REDIC1: variants seen among roughly 807,000 people sequenced by gnomAD.
REDIC1 encodes the protein HEI10 Interacting Protein 1.
chr12:39,887,334 C>T, the REDIC1 span, among the ~76,000 whole-genome samples: 3 of 152,104 alleles, frequency 2.0e-5, no homozygotes, highest in African/African-American at 7.2e-5. Flanking sequence ...CAAGTTATAT[C>T]CCAAAAGTAC....
the REDIC1 span, among the ~76,000 whole-genome samples, chr12:39,735,505 A>C: frequency 6.6e-6 from 1 of 152,248 alleles, no homozygotes; most frequent in African/African-American, 2.4e-5. Flanking sequence ...TGAGAGTGTT[A>C]AGCAACAGAA....
At chr12:39,868,898 T>A in the REDIC1 span, among the ~76,000 whole-genome samples, 1 of 152,204 alleles carries the variant, frequency 6.6e-6, no homozygotes, top group Non-Finnish European at 1.5e-5. Context: ...CAGGCTTACA[T>A]ATTTTTTATT....
At chr12:39,903,845 G>T in the REDIC1 span, among the ~76,000 whole-genome samples, 1 of 152,094 alleles carries the variant, frequency 6.6e-6, no homozygotes. Context: ...GGAAAAGAAG[G>T]AAGATTGAGT....
chr12:39,690,349 G>A, the REDIC1 span, among the ~76,000 whole-genome samples: 2 of 152,040 alleles, frequency 1.3e-5, no homozygotes. Context: ...TAAAGGTTTA[G>A]TAGAGGAATA....
the REDIC1 span, among the ~76,000 whole-genome samples, chr12:39,663,786 T>C: frequency 6.6e-6 from 1 of 152,096 alleles, no homozygotes; most frequent in African/African-American, 2.4e-5. Flanking sequence ...ATAGTAGATA[T>C]CATCCCTTCA....
the REDIC1 span, among the ~76,000 whole-genome samples, chr12:39,695,104 A>AG: frequency 6.6e-6 from 1 of 152,298 alleles, no homozygotes; most frequent in South Asian, 2.1e-4. Flanking sequence ...AGTGATGCCC[A>AG]GGGACTGCAT....
chr12:39,648,517 A>G, the REDIC1 span, among the ~76,000 whole-genome samples: 1 of 151,724 alleles, frequency 6.6e-6, no homozygotes, highest in South Asian at 2.1e-4. Context: ...TGTGCTCTAA[A>G]GCTAAAAATA....
At chr12:39,861,673 AAAAG>A in the REDIC1 span, among the ~76,000 whole-genome samples, 2 of 152,196 alleles carry the variant, frequency 1.3e-5, no homozygotes, top group Non-Finnish European at 2.9e-5. Flanking sequence ...GGGTGTGAAA[AAAAG>A]AAATATGTGT....
chr12:39,764,810 G>A, the REDIC1 span: 2 of 1,612,500 alleles, frequency 1.2e-6, no homozygotes, highest in Middle Eastern at 1.7e-4. Flanking sequence ...GGCAGAAATT[G>A]TAAGCCCAAA....
chr12:39,713,838 C>T, the REDIC1 span, among the ~76,000 whole-genome samples: 1 of 147,368 alleles, frequency 6.8e-6, no homozygotes, highest in African/African-American at 2.5e-5. Flanking sequence ...TGTATATACA[C>T]GTATATATAT....
chr12:39,702,909 A>G, the REDIC1 span, among the ~76,000 whole-genome samples: 1 of 152,186 alleles, frequency 6.6e-6, no homozygotes, highest in African/African-American at 2.4e-5. Context: ...ACTCTCAATA[A>G]ATTAGGTATT....
the REDIC1 span, among the ~76,000 whole-genome samples, chr12:39,905,324 A>G: frequency 5.9e-5 from 9 of 152,246 alleles, no homozygotes; most frequent in South Asian, 1.7e-3. Flanking sequence ...TAATCTGCTC[A>G]TAAACAGCCT....
At chr12:39,878,108 C>A in the REDIC1 span, among the ~76,000 whole-genome samples, 1 of 152,234 alleles carries the variant, frequency 6.6e-6, no homozygotes, top group Admixed American at 6.5e-5. Context: ...GCCAGCACCA[C>A]TCTTCCTCAA....
chr12:39,867,600 C>A, the REDIC1 span, among the ~76,000 whole-genome samples: 1 of 152,080 alleles, frequency 6.6e-6, no homozygotes, highest in Non-Finnish European at 1.5e-5. Context: ...TCCAACCAAC[C>A]TAAAAATTAT....
the REDIC1 span, among the ~76,000 whole-genome samples, chr12:39,891,580 T>C: frequency 6.6e-6 from 1 of 152,178 alleles, no homozygotes; most frequent in Non-Finnish European, 1.5e-5. Context: ...AGTTCGACAG[T>C]GAAGATTAAG....
chr12:39,895,808 ATACGTACACACATGTATATG>A, the REDIC1 span, among the ~76,000 whole-genome samples: 37 of 95,828 alleles, frequency 3.9e-4, 13 homozygotes, highest in African/African-American at 1.6e-3. Context: ...ATATGCGTGT[ATACGTACACACATGTATATG>A]CGTGTATATG....
At chr12:39,757,969 G>T in the REDIC1 span, 1 of 151,930 alleles carries the variant, frequency 6.6e-6, no homozygotes, top group Non-Finnish European at 1.5e-5. Context: ...ATTATATTTT[G>T]ATTGTACCAT....
At chr12:39,651,451 A>T in the REDIC1 span, among the ~76,000 whole-genome samples, 1 of 151,082 alleles carries the variant, frequency 6.6e-6, no homozygotes, top group African/African-American at 2.4e-5. Flanking sequence ...TGACTCTGTC[A>T]TACTATCCTA....
chr12:39,908,144 A>G, the REDIC1 span: 7,015 of 152,136 alleles, frequency 0.046, 299 homozygotes, highest in Admixed American at 0.13. Context: ...AGACAGAAAA[A>G]GCTGCATGAT....
Sources: allele counts gnomAD v4.1 joint callset (sites outside exome capture counted in the v4.1 genomes callset), GRCh38; gene constraint gnomAD v4.1.1; transcripts MANE v1.5; gene names NCBI Gene and HGNC (gene_info 2026-07-23, HGNC 2026-07-21).